The following GSDMC variants were observed in gnomAD, a reference collection of about 807,000 sequenced individuals.
GSDMC encodes gasdermin-C.
In GSDMC, 59 loss-of-function variants were observed where a neutral mutation model predicts 58.0. That is an observed-to-expected ratio of 1.02 (90% CI 0.82 to 1.26). The LOEUF (loss-of-function observed/expected upper bound fraction) is 1.26, where lower values mean the gene tolerates loss of function less well. GSDMC is among the 50% of genes most tolerant of loss of function. GSDMC has a pLI of 0.00. For missense variants in GSDMC, 659 were observed against 598.5 expected, an observed-to-expected ratio of 1.10 and a Z score of -1.06; for synonymous variants, 241 against 220.2, an observed-to-expected ratio of 1.09 and a Z score of -0.83.
the GSDMC span, among the ~76,000 whole-genome samples, chr8:129,713,881 G>A: frequency 3.3e-5 from 5 of 152,104 alleles, no homozygotes; most frequent in Admixed American, 3.3e-4. Context: ...GATTTATTCT[G>A]ACTAAGAGCA....
At chr8:129,758,145 G>T (rs1252531487) in intron 6 of GSDMC, among the ~76,000 whole-genome samples, 1 of 152,066 alleles carries the variant, frequency 6.6e-6, no homozygotes, top group Admixed American at 6.6e-5. Context: ...ATGCTAAAAA[G>T]GTATTTCATA....
chr8:129,762,380 T>C (rs1362001833), intron 5 of GSDMC, among the ~76,000 whole-genome samples: 1 of 152,162 alleles, frequency 6.6e-6, no homozygotes, highest in African/African-American at 2.4e-5. Context: ...ACAAGTTGGA[T>C]TATTTTCCAT....
rs757383851 is a variant in GSDMC at position 129,776,229 on chromosome 8, C to A, written c.277G>T (p.Ala93Ser). 153 of 1,613,692 alleles carry A rather than the reference C, an allele frequency of 9.5e-5. No individual in the cohort carries two copies. Among genetic ancestry groups the A allele is most frequent in the Non-Finnish European group, 1.3e-4 (150 of 1,179,762 alleles). The change falls in exon 3 of 14, where the codon GCT (alanine) becomes TCT (serine). Residue 93 changes from alanine (A) to serine (S), a missense_variant. Coordinates refer to ENST00000276708, the MANE Select transcript of GSDMC (RefSeq NM_031415.3). ...FSDIMIQKHK[A>S]DMGVNVGIEV... The stretch of plus-strand genomic sequence containing the variant: ...ATACCAACATTCACACCCATGTCAG[C>A]CTTATGCTTCTGGATCATAATGTCA...
At position 129,761,492 on chromosome 8, in the gene GSDMC, C is replaced by T. The variant is rs73406821; in HGVS notation, c.677-903G>A. On this transcript the variant is annotated intron_variant, in intron 5 of 13. Coordinates refer to ENST00000276708, the MANE Select transcript of GSDMC (RefSeq NM_031415.3). ...GAATCCACCTGGCTTCAGTCACCAA[C>T]GAATATTGACCTGATTCTATCTGGA... 4.0e-3 allele frequency among the ~76,000 whole-genome samples: 608 copies of T among 152,272 alleles called. 4 individuals are homozygous for T. Among genetic ancestry groups the T allele is most frequent in the African/African-American group, 0.013 (560 of 41,568 alleles).
the GSDMC span, among the ~76,000 whole-genome samples, chr8:129,737,569 GGGAAAACTGGCTAGTCATATGT>G: frequency 5.9e-5 from 9 of 152,266 alleles, no homozygotes; most frequent in South Asian, 2.1e-4. Flanking sequence ...AAATGGTGCT[GGGAAAACTGGCTAGTCATATGT>G]GGAAAACTGG....
At chr8:129,741,699 C>T in the GSDMC span, among the ~76,000 whole-genome samples, 89 of 152,114 alleles carry the variant, frequency 5.9e-4, no homozygotes, top group Middle Eastern at 3.4e-3. Context: ...TAAATTAATA[C>T]AGCCATGTTA....
In GSDMC at chr8:129,752,745, G is replaced by C; in HGVS notation, c.797C>G (p.Ser266Cys). The C allele has an allele frequency of 1.2e-6, 2 of 1,614,244 alleles. No individual in the cohort carries two copies. The highest frequency in any genetic ancestry group is 2.2e-5 in the South Asian group (2 of 91,088). ...GGATGAGGCATTGAAGAGGGTTGGA[G>C]AGATGGTATGAAATGATGGTAGCAA... ...EGLLPSFHTI[S>C]PTLFNASSND... Residue 266 changes from serine to cysteine, a missense_variant, in exon 7 of 14, where the codon TCT becomes TGT. Transcript: ENST00000276708.
intron 4 of GSDMC, among the ~76,000 whole-genome samples, chr8:129,763,732 G>A (rs952020201): frequency 4.6e-5 from 7 of 151,926 alleles, no homozygotes; most frequent in Admixed American, 3.9e-4. Flanking sequence ...ATGCACCACC[G>A]CACCTGGCTA....
chr8:129,714,713 T>A, the GSDMC span, among the ~76,000 whole-genome samples: 1 of 151,654 alleles, frequency 6.6e-6, no homozygotes, highest in Admixed American at 6.6e-5. Context: ...CATTCTCAGA[T>A]GAAAGATGGC....
Position 129,762,692 on chromosome 8 carries a change from C to CCTT in GSDMC, c.607_609dup (p.Lys203dup). 2 of 1,613,876 alleles carry CCTT rather than the reference C, an allele frequency of 1.2e-6. No homozygotes were observed. The highest frequency in any genetic ancestry group is 1.7e-6 in the Non-Finnish European group (2 of 1,179,772). ...ACCATGCCTTTCTGAAGAGTCAGCG[C>CCTT]CTTCTTCTTCACTCTGAGACTCTCT... On this transcript the variant is annotated inframe_insertion, in exon 5 of 14. Coordinates refer to ENST00000276708, the MANE Select transcript of GSDMC (RefSeq NM_031415.3).
the GSDMC span, among the ~76,000 whole-genome samples, chr8:129,742,145 G>A: frequency 2.6e-5 from 4 of 152,000 alleles, no homozygotes; most frequent in Non-Finnish European, 4.4e-5. Flanking sequence ...GCGGGACTAA[G>A]ATGGGGGTTA....
At chr8:129,758,222 T>C (rs912502298) in intron 6 of GSDMC, among the ~76,000 whole-genome samples, 1 of 152,132 alleles carries the variant, frequency 6.6e-6, no homozygotes, top group Non-Finnish European at 1.5e-5. Flanking sequence ...TACCTCAACA[T>C]GATAAAAGCC....
chr8:129,717,250 C>CTTTTTTTTTT, the GSDMC span, among the ~76,000 whole-genome samples: 1 of 114,686 alleles, frequency 8.7e-6, no homozygotes, highest in Non-Finnish European at 1.7e-5. Flanking sequence ...TGGTCCTGGG[C>CTTTTTTTTTT]TTTTTTTTTT....
chr8:129,756,540 A>G (rs1351854642), intron 6 of GSDMC, among the ~76,000 whole-genome samples: 1 of 152,204 alleles, frequency 6.6e-6, no homozygotes, highest in Non-Finnish European at 1.5e-5. Context: ...ATTCTGCACT[A>G]TAGAGCAAAT....
chr8:129,751,660 CT>C, intron 9 of GSDMC, 92 bp from the exon 10 acceptor site: 3 of 1,220,190 alleles, frequency 2.5e-6, no homozygotes, highest in Non-Finnish European at 3.6e-6. Flanking sequence ...CTACCACCTC[CT>C]CCCTCTTACT....
Position 129,784,717 on chromosome 8 carries a change from A to G in GSDMC, c.-5+1294T>C, listed in dbSNP as rs151113224. 2.0e-4 allele frequency among the ~76,000 whole-genome samples: 31 copies of G among 152,300 alleles called. No individual in the cohort carries two copies. The South Asian group carries it at 5.8e-3, about 28-fold the overall frequency. On this transcript the variant is annotated intron_variant, in intron 1 of 13. Coordinates refer to ENST00000276708, the MANE Select transcript of GSDMC (RefSeq NM_031415.3). ...TCAAAAAGCTAAAAATAGAGCTGCC[A>G]TACAACCCAGCAACCTCTCTGCTGG... is the stretch of plus-strand genomic sequence containing the variant.
In GSDMC at chr8:129,764,422, T is replaced by C. The variant is rs953172964; in HGVS notation, c.570+1206A>G. Among the ~76,000 whole-genome samples the C allele has an allele frequency of 1.3e-5, 2 of 152,306 alleles. 1 individual carries two copies. Among genetic ancestry groups the C allele is most frequent in the South Asian group, 4.1e-4 (2 of 4,826 alleles). On this transcript the variant is annotated intron_variant, in intron 4 of 13. Coordinates refer to ENST00000276708, the MANE Select transcript of GSDMC (RefSeq NM_031415.3). ...GTTGTAGGGGTAGAAAGGGTAGAGA[T>C]GTGATGCCTGGAGCTGAATGGGGAA...
the GSDMC span, among the ~76,000 whole-genome samples, chr8:129,715,425 G>C: frequency 6.6e-6 from 1 of 151,828 alleles, no homozygotes; most frequent in Non-Finnish European, 1.5e-5. Flanking sequence ...AGAGTGATAG[G>C]AGACAGAAAA....
At chr8:129,783,667 C>T (rs909433016) in intron 1 of GSDMC, among the ~76,000 whole-genome samples, 2 of 152,058 alleles carry the variant, frequency 1.3e-5, no homozygotes, top group Non-Finnish European at 2.9e-5. Context: ...CCATACTATC[C>T]AAAGCAATCT....
Sources: gnomAD v4.1 joint callset for allele counts (sites outside exome capture counted in the v4.1 genomes callset) on GRCh38, gnomAD v4.1.1 for gene constraint, MANE v1.5 for transcripts, NCBI Gene and HGNC (gene_info 2026-07-23, HGNC 2026-07-21) for gene names.